Variants in AQP7B observed in about 807,000 individuals in gnomAD.
AQP7B encodes aquaporin 7B, also known as putative aquaporin-7B.
the AQP7B span, among the ~76,000 whole-genome samples, chr2:94,601,761 T>A: frequency 1.3e-5 from 2 of 151,312 alleles, no homozygotes; most frequent in Non-Finnish European, 2.9e-5. Context: ...AATGGGAGAA[T>A]GGAAGGTATG....
the AQP7B span, among the ~76,000 whole-genome samples, chr2:94,591,340 GC>G: frequency 6.6e-6 from 1 of 152,096 alleles, no homozygotes; most frequent in Non-Finnish European, 1.5e-5. Context: ...CGCTGCCCTA[GC>G]CAGGACCTGA....
the AQP7B span, among the ~76,000 whole-genome samples, chr2:94,597,427 T>A: frequency 6.6e-6 from 1 of 152,264 alleles, no homozygotes; most frequent in East Asian, 1.9e-4. Context: ...CCGGGCTCTG[T>A]GATGCTAAGC....
At chr2:94,588,985 T>G in the AQP7B span, among the ~76,000 whole-genome samples, 1 of 141,392 alleles carries the variant, frequency 7.1e-6, no homozygotes, top group Non-Finnish European at 1.5e-5. Flanking sequence ...TTTTTTTTCT[T>G]TTTTTTTTTT....
the AQP7B span, among the ~76,000 whole-genome samples, chr2:94,597,318 A>G: frequency 6.6e-6 from 1 of 152,142 alleles, no homozygotes; most frequent in African/African-American, 2.4e-5. Context: ...ATCCTCTGAG[A>G]GCTGTTAGGG....
chr2:94,592,747 G>A, the AQP7B span, among the ~76,000 whole-genome samples: 2 of 150,652 alleles, frequency 1.3e-5, no homozygotes, highest in East Asian at 1.9e-4. Context: ...CTATGTTCAG[G>A]CACTGCAGTG....
the AQP7B span, among the ~76,000 whole-genome samples, chr2:94,596,335 G>C: frequency 1.3e-5 from 2 of 152,184 alleles, no homozygotes; most frequent in African/African-American, 2.4e-5. Flanking sequence ...CATGACTGTA[G>C]CCATGTTTAT....
chr2:94,597,385 T>C, the AQP7B span, among the ~76,000 whole-genome samples: 3 of 152,142 alleles, frequency 2.0e-5, no homozygotes, highest in Admixed American at 2.0e-4. Context: ...CTCTTCCTTT[T>C]GTTGAGATTT....
the AQP7B span, among the ~76,000 whole-genome samples, chr2:94,599,940 G>A: frequency 9.7e-3 from 1,460 of 151,214 alleles, 7 homozygotes; most frequent in Admixed American, 0.012. Context: ...GTGCAGTGGC[G>A]TGATCTCGGA....
chr2:94,595,500 T>C, the AQP7B span, among the ~76,000 whole-genome samples: 1 of 152,004 alleles, frequency 6.6e-6, no homozygotes, highest in South Asian at 2.1e-4. Flanking sequence ...TGGGCTCTGA[T>C]AATGAATCTG....
the AQP7B span, chr2:94,603,556 G>C: frequency 6.5e-7 from 1 of 1,538,210 alleles, no homozygotes; most frequent in Non-Finnish European, 8.9e-7. Flanking sequence ...TCAGGACAGA[G>C]CCAGCAGGGA....
chr2:94,604,394 C>A, the AQP7B span: 3 of 1,611,478 alleles, frequency 1.9e-6, no homozygotes, highest in Admixed American at 1.7e-5. Context: ...CCCACGGGAG[C>A]CCCTGAAATT....
chr2:94,596,755 A>G, the AQP7B span, among the ~76,000 whole-genome samples: 1 of 152,176 alleles, frequency 6.6e-6, no homozygotes, highest in Non-Finnish European at 1.5e-5. Context: ...GATGGATTGC[A>G]GTGGTACGAT....
the AQP7B span, among the ~76,000 whole-genome samples, chr2:94,597,401 G>A: frequency 6.6e-6 from 1 of 152,058 alleles, no homozygotes; most frequent in Non-Finnish European, 1.5e-5. Flanking sequence ...GATTTTCATT[G>A]AGCACCTAAT....
the AQP7B span, chr2:94,594,637 G>T: frequency 5.5e-6 from 4 of 724,940 alleles, no homozygotes; most frequent in African/African-American, 3.5e-5. Flanking sequence ...GGCGTGTGTG[G>T]CGAGGCTGCT....
the AQP7B span, chr2:94,603,237 T>C: frequency 7.1e-7 from 1 of 1,408,646 alleles, no homozygotes; most frequent in Admixed American, 2.0e-5. Context: ...TATGGGCAGA[T>C]TGGACCTCAG....
the AQP7B span, chr2:94,603,816 G>A: frequency 5.3e-6 from 8 of 1,508,730 alleles, no homozygotes; most frequent in East Asian, 1.6e-4. Flanking sequence ...GCATCCTCGT[G>A]GTCATCATCA....
At chr2:94,595,672 G>A in the AQP7B span, among the ~76,000 whole-genome samples, 2 of 152,124 alleles carry the variant, frequency 1.3e-5, no homozygotes, top group East Asian at 3.9e-4. Context: ...GACAGAGAGA[G>A]GGTGATGACT....
chr2:94,603,871 C>T, the AQP7B span: 10 of 1,391,088 alleles, frequency 7.2e-6, no homozygotes, highest in African/African-American at 4.3e-5. Context: ...CAATCCATCC[C>T]GGGACCCGCC....
At chr2:94,597,212 C>A in the AQP7B span, among the ~76,000 whole-genome samples, 1 of 152,154 alleles carries the variant, frequency 6.6e-6, no homozygotes, top group African/African-American at 2.4e-5. Flanking sequence ...TGGATCCTGT[C>A]CCTCCTTAAT....
Sources: allele counts gnomAD v4.1 joint callset (sites outside exome capture counted in the v4.1 genomes callset), GRCh38; gene constraint gnomAD v4.1.1; transcripts MANE v1.5; gene names NCBI Gene and HGNC (gene_info 2026-07-23, HGNC 2026-07-21).